ACOT7: variants seen among roughly 807,000 people sequenced by gnomAD.
ACOT7 encodes the protein acyl-CoA thioesterase 7, also known as cytosolic acyl coenzyme A thioester hydrolase.
In ACOT7, 12 loss-of-function variants were observed where a neutral mutation model predicts 40.2. That is an observed-to-expected ratio of 0.30 (90% CI 0.19 to 0.48). The LOEUF is 0.48. ACOT7 is among the 20% of genes least tolerant of loss of function. The probability of loss-of-function intolerance (pLI) is 0.99; values close to 1 mark genes in which losing one functional copy is unlikely to be tolerated. For missense variants in ACOT7, 395 were observed against 530.8 expected (o/e 0.74, Z 2.51); for synonymous variants, 228 against 219.5 (o/e 1.04, Z -0.34).
rs375226721 is a variant in ACOT7 at position 6,358,836 on chromosome 1, G to A, written c.144-8970C>T. On this transcript the variant is annotated intron_variant, in intron 1 of 8. Transcript: ENST00000361521. The surrounding 1 kb of genome is among the most constrained non-coding windows in gnomAD (Gnocchi z 4.1). ...CATGACTGGCAGTACCTGCTCAGCT[G>A]GAAAGCCATGGTGGCTAGGACATCC... The A allele has an allele frequency of 8.7e-6, 14 of 1,613,874 alleles. No individual in the cohort carries two copies. Among genetic ancestry groups the A allele is most frequent in the African/African-American group, 1.3e-5 (1 of 74,938 alleles).
intron 7 of ACOT7, among the ~76,000 whole-genome samples, chr1:6,292,838 G>C (rs561047389): frequency 6.6e-6 from 1 of 150,892 alleles, no homozygotes; most frequent in African/African-American, 2.4e-5. Flanking sequence ...CCTGCCACCA[G>C]CCTGGCTAAT....
At chr1:6,349,685 T>C in intron 2 of ACOT7, 64 bp downstream of exon 2, 1 of 1,503,170 alleles carries the variant, frequency 6.7e-7, no homozygotes, top group Non-Finnish European at 9.1e-7. Flanking sequence ...CCCGGGGAAC[T>C]CCTGTCCTGA....
In ACOT7 at chr1:6,281,273, G is replaced by A; in HGVS notation, c.843C>T (p.Thr281=). 6.2e-7 allele frequency: 1 copy of A among 1,613,482 alleles called. No homozygotes were observed. Among genetic ancestry groups the A allele is most frequent in the South Asian group, 1.1e-5 (1 of 91,068 alleles). ...HDKIRKGCVI[T]ISGRMTFTSN... The stretch of plus-strand genomic sequence containing the variant: ...TCGTGAAGGTCATGCGTCCCGAGAT[G>A]GTGATGACGCAGCCTGTGGAGAAGG... The change falls in exon 8 of 9, where the codon ACC becomes ACT. Residue 281 remains threonine, a synonymous_variant. Coordinates refer to ENST00000361521, the MANE Select transcript of ACOT7 (RefSeq NM_007274.4).
In ACOT7 at chr1:6,365,919, C is replaced by A. The variant is rs551207589; in HGVS notation, c.144-16053G>T. On this transcript the variant is annotated intron_variant, in intron 1 of 8. Transcript: ENST00000361521. ...TGGGGTTTATTTTTTTTTTTTGAGA[C>A]AGTCTCATTCTATAGCCCAGGCTGG... Among the ~76,000 whole-genome samples the A allele has an allele frequency of 4.0e-5, 6 of 149,754 alleles. No individual in the cohort carries two copies. The East Asian group carries it at 1.2e-3, about 30-fold the overall frequency.
chr1:6,393,412 C>T lies in ACOT7; in HGVS notation c.-13G>A. 1 of 1,226,780 alleles carries T rather than the reference C, an allele frequency of 8.2e-7. No homozygotes were observed. The highest frequency in any genetic ancestry group is 1.0e-6 in the Non-Finnish European group (1 of 980,438). 76.0% of individuals were successfully genotyped at this position (1,226,780 alleles called of 1,614,324 possible). ...CGGGCCGCGCCATAAAGGGGGAGGG[C>T]AGAGGTGGAGCGATGGGGCTGGTGA... is the stretch of plus-strand genomic sequence containing the variant. On this transcript the variant is annotated 5_prime_UTR_variant, in exon 1 of 9. Transcript: ENST00000361521.
chr1:6,294,775 C>T lies in ACOT7; in HGVS notation c.829+89G>A, dbSNP rs1168911152. On this transcript the variant is annotated intron_variant, in intron 7 of 8. Transcript: ENST00000361521. This position sits in a 1 kb window ranked among gnomAD's most constrained non-coding sequence, Gnocchi z 4.6. ...TGGGCACACACCAAGGCCCACATGA[C>T]CCTGGGTGTGAACAGAAAACAAACT... 2 of 1,011,670 alleles carry T rather than the reference C, an allele frequency of 2.0e-6. No homozygotes were observed. Among genetic ancestry groups the T allele is most frequent in the Non-Finnish European group, 3.1e-6 (2 of 652,274 alleles). The allele number at this position is 1,011,670 out of a possible 1,614,324, so 62.7% of individuals were successfully genotyped here. A position where few individuals can be genotyped will look rare whatever the true frequency, so the allele number is the denominator to read the frequency against.
At chr1:6,327,710 T>TTAAAA (rs1640844010) in intron 4 of ACOT7, among the ~76,000 whole-genome samples, 1 of 152,138 alleles carries the variant, frequency 6.6e-6, no homozygotes, top group South Asian at 2.1e-4. Context: ...AAAGCAACCG[T>TTAAAA]GTATCTATTT....
In ACOT7 at chr1:6,393,545, A is replaced by C; in HGVS notation, c.-146T>G. 9 of 696,708 alleles carry C rather than the reference A, an allele frequency of 1.3e-5. No individual in the cohort carries two copies. Among genetic ancestry groups the C allele is most frequent in the Non-Finnish European group, 1.6e-5 (8 of 511,640 alleles). The allele number at this position is 696,708 out of a possible 1,614,324, so 43.2% of individuals were successfully genotyped here. ...GCCTCCCAGGCCGCCAAGGCTGCAG[A>C]GAGCTCGCGCGGGCGTACGATTCTG... On this transcript the variant is annotated 5_prime_UTR_variant, in exon 1 of 9. Coordinates refer to ENST00000361521, the MANE Select transcript of ACOT7 (RefSeq NM_007274.4).
chr1:6,308,682 G>A (rs1341549225), intron 6 of ACOT7, among the ~76,000 whole-genome samples: 6 of 148,666 alleles, frequency 4.0e-5, no homozygotes, highest in Non-Finnish European at 4.5e-5. Flanking sequence ...AGGGAACCAC[G>A]ACCAGGCAGA....
At chr1:6,378,515 C>T (rs1391608740) in intron 1 of ACOT7, among the ~76,000 whole-genome samples, 1 of 151,944 alleles carries the variant, frequency 6.6e-6, no homozygotes, top group East Asian at 1.9e-4. Context: ...CTTTACTCTC[C>T]CAAGGCTCAG....
intron 1 of ACOT7, among the ~76,000 whole-genome samples, chr1:6,350,457 C>T (rs77244496): frequency 0.047 from 7,198 of 152,304 alleles, 227 homozygotes; most frequent in African/African-American, 0.079. Flanking sequence ...CAAGGAGCCT[C>T]CCAGGTCAGA....
At position 6,375,807 on chromosome 1, in the gene ACOT7, G is replaced by T. The variant is rs1052139395; in HGVS notation, c.143+17450C>A. Among the ~76,000 whole-genome samples, 5 of 151,642 alleles carry T rather than the reference G, an allele frequency of 3.3e-5. No individual in the cohort carries two copies. In the South Asian group the frequency reaches 8.4e-4, roughly 25 times the overall value. ...AAAAAAATTAGCCGGGCGTGGTGGC[G>T]GGCACCTGTAGTCCCAGCTGCTCGG... On this transcript the variant is annotated intron_variant, in intron 1 of 8. Transcript: ENST00000361521.
chr1:6,345,007 C>T (rs370450886), intron 2 of ACOT7, among the ~76,000 whole-genome samples: 10 of 152,178 alleles, frequency 6.6e-5, no homozygotes, highest in South Asian at 2.1e-4. Flanking sequence ...TTCCCAGGAG[C>T]GGGCAGGGCT....
chr1:6,384,864 G>A (rs532766732), intron 1 of ACOT7, among the ~76,000 whole-genome samples: 1 of 151,982 alleles, frequency 6.6e-6, no homozygotes, highest in African/African-American at 2.4e-5. Flanking sequence ...TGATCCCACA[G>A]CTCTGTGAAC....
intron 1 of ACOT7, among the ~76,000 whole-genome samples, chr1:6,373,701 C>T (rs1642175312): frequency 6.6e-6 from 1 of 151,904 alleles, no homozygotes; most frequent in Non-Finnish European, 1.5e-5. Context: ...CCCGTCTCTA[C>T]TAAAAATACA....
chr1:6,326,196 T>C (rs1432662154), intron 5 of ACOT7, among the ~76,000 whole-genome samples: 1 of 152,076 alleles, frequency 6.6e-6, no homozygotes, highest in East Asian at 1.9e-4. Context: ...TGGAGGGAGT[T>C]CTCCTGCCAC....
intron 1 of ACOT7, among the ~76,000 whole-genome samples, chr1:6,350,134 G>A (rs1347541171): frequency 6.6e-6 from 1 of 152,200 alleles, no homozygotes. Context: ...ACATGTCCCT[G>A]GACTGCCCTG....
chr1:6,373,501 T>G (rs925892435), intron 1 of ACOT7, among the ~76,000 whole-genome samples: 1 of 152,000 alleles, frequency 6.6e-6, no homozygotes, highest in Non-Finnish European at 1.5e-5. Flanking sequence ...TCCGCCTGCC[T>G]CGGCCTCCCA....
rs1334329996 is a variant in ACOT7, at chr1:6,338,898, A to G, written c.418+535T>C. Among the ~76,000 whole-genome samples the G allele has an allele frequency of 6.6e-6, 1 of 152,148 alleles. No homozygotes were observed. The highest frequency in any genetic ancestry group is 1.5e-5 in the Non-Finnish European group (1 of 68,014). Reference sequence around the variant, plus strand: ...CCTGCAGCGCCCAGTGGGAAGGGGAAGGGGGTTTCCATGGTTACCATGGCC... The same window carrying G: ...CCTGCAGCGCCCAGTGGGAAGGGGAGGGGGGTTTCCATGGTTACCATGGCC... On this transcript the variant is annotated intron_variant, in intron 3 of 8. Transcript: ENST00000361521. This position sits in a 1 kb window ranked among gnomAD's most constrained non-coding sequence, Gnocchi z 4.4.
Sources: gnomAD v4.1 joint callset for allele counts (sites outside exome capture counted in the v4.1 genomes callset) on GRCh38, gnomAD v4.1.1 for gene constraint, Gnocchi (gnomAD v3.1) non-coding constraint, MANE v1.5 for transcripts, NCBI Gene and HGNC (gene_info 2026-07-23, HGNC 2026-07-21) for gene names.